The following TF variants were observed in gnomAD, a reference collection of about 807,000 sequenced individuals.
The protein encoded by TF is serotransferrin.
TF carries 55 observed loss-of-function variants against 82.4 expected under a neutral mutation model. That is an observed-to-expected ratio of 0.67 (90% CI 0.54 to 0.84). TF has a LOEUF of 0.84. Ranked by LOEUF, TF falls within the 40% of genes least tolerant of loss-of-function variation. TF has a pLI of 0.00. For missense variants in TF, 737 were observed against 868.4 expected, an observed-to-expected ratio of 0.85 and a Z score of 1.90; for synonymous variants, 332 against 332.6, an observed-to-expected ratio of 1.00 and a Z score of 0.02.
At chr3:133,756,428 G>A (rs1933832031) in intron 6 of TF, 91 bp downstream of exon 6, 2 of 1,365,958 alleles carry the variant, frequency 1.5e-6, no homozygotes, top group African/African-American at 2.9e-5. Flanking sequence ...AATTGGAAAT[G>A]AGCATACTGT....
the TF span, among the ~76,000 whole-genome samples, chr3:133,677,180 A>G: frequency 6.6e-6 from 1 of 152,192 alleles, no homozygotes; most frequent in African/African-American, 2.4e-5. Flanking sequence ...CTATTCGGTG[A>G]GCATCAGCAG....
the TF span, among the ~76,000 whole-genome samples, chr3:133,665,234 A>C: frequency 6.6e-6 from 1 of 152,160 alleles, no homozygotes; most frequent in Non-Finnish European, 1.5e-5. Flanking sequence ...TGGAAGGCCA[A>C]GGTGGGCAGA....
chr3:133,679,392 T>C, the TF span, among the ~76,000 whole-genome samples: 1 of 152,204 alleles, frequency 6.6e-6, no homozygotes, highest in African/African-American at 2.4e-5. Flanking sequence ...AGTATACATA[T>C]AGTTCAGTGA....
the TF span, among the ~76,000 whole-genome samples, chr3:133,723,655 A>ATTATTG: frequency 6.8e-6 from 1 of 147,322 alleles, no homozygotes; most frequent in Non-Finnish European, 1.5e-5. Context: ...TATTATTATT[A>ATTATTG]TTATTATTAT....
chr3:133,725,528 G>A, the TF span, among the ~76,000 whole-genome samples: 10 of 152,324 alleles, frequency 6.6e-5, no homozygotes, highest in African/African-American at 2.4e-4. Flanking sequence ...CTTTGCTGAA[G>A]TTGCTTATCA....
chr3:133,670,764 T>G, the TF span, among the ~76,000 whole-genome samples: 3 of 152,218 alleles, frequency 2.0e-5, no homozygotes, highest in Non-Finnish European at 2.9e-5. Context: ...AAGAAAAAAG[T>G]GATCTCTGCG....
At chr3:133,703,382 C>A in the TF span, among the ~76,000 whole-genome samples, 3 of 152,086 alleles carry the variant, frequency 2.0e-5, no homozygotes, top group African/African-American at 7.2e-5. Flanking sequence ...ATCTTGGAGG[C>A]CATCTGGAAT....
intron 16 of TF, chr3:133,777,480 T>C: frequency 1.9e-6 from 1 of 517,376 alleles, no homozygotes; most frequent in South Asian, 2.2e-5. Flanking sequence ...GAGAATTCCA[T>C]CTTATTTCTA....
In TF at chr3:133,794,522, A is replaced by G. The variant is rs1426202896; in HGVS notation, c.*15902A>G. On this transcript the variant is annotated 3_prime_UTR_variant, in exon 17 of 17. Coordinates refer to ENST00000402696, the MANE Select transcript of TF (RefSeq NM_001063.4). ...TTTCACAAGGTAAAGAAAGCTTTTT[A>G]TGGTTCACTGAGGACAATCAACTCC... 1 of 152,238 alleles carries G rather than the reference A, an allele frequency of 6.6e-6. No homozygotes were observed. The highest frequency in any genetic ancestry group is 1.5e-5 in the Non-Finnish European group (1 of 68,038). 9.4% of individuals were successfully genotyped at this position (152,238 alleles called of 1,614,324 possible). A position where few individuals can be genotyped will look rare whatever the true frequency, so the allele number is the denominator to read the frequency against.
At chr3:133,777,342 A>G in intron 16 of TF, 104 bp downstream of exon 16, 2 of 1,055,038 alleles carry the variant, frequency 1.9e-6, no homozygotes, top group Non-Finnish European at 2.9e-6. Context: ...TTGGGATAGG[A>G]CAACATGGAC....
Position 133,746,482 on chromosome 3 carries a change from G to C in TF, c.42G>C (p.Leu14=). The change falls in exon 1 of 17, where the codon CTG becomes CTC. Residue 14 remains leucine, a splice_region_variant and synonymous_variant. Coordinates refer to ENST00000402696, the MANE Select transcript of TF (RefSeq NM_001063.4). The part of the protein sequence containing the change: ...AVGALLVCAV[L]GLCLAVPDKT... ...GAGCCCTGCTGGTCTGCGCCGTCCTGGGTGAGTGCGGGCACGGGGTAGCAC... is the reference window on the plus strand; with the variant it reads ...GAGCCCTGCTGGTCTGCGCCGTCCTCGGTGAGTGCGGGCACGGGGTAGCAC... The C allele has an allele frequency of 1.3e-6, 2 of 1,597,644 alleles. No homozygotes were observed.
At chr3:133,756,598 CT>C (rs1381968909) in intron 6 of TF, among the ~76,000 whole-genome samples, 1 of 152,142 alleles carries the variant, frequency 6.6e-6, no homozygotes, top group Non-Finnish European at 1.5e-5. Flanking sequence ...GGGGTTGGTG[CT>C]GCTAAGATCA....
the TF span, among the ~76,000 whole-genome samples, chr3:133,725,268 T>C: frequency 6.6e-6 from 1 of 152,240 alleles, no homozygotes; most frequent in Non-Finnish European, 1.5e-5. Context: ...TTTCACGATA[T>C]TGATTCTTCC....
intron 1 of TF, 64 bp downstream of exon 1, chr3:133,746,547 G>T: frequency 6.5e-7 from 1 of 1,534,356 alleles, no homozygotes; most frequent in Non-Finnish European, 8.8e-7. Flanking sequence ...CAACCCGGGC[G>T]GCCACCGCGC....
At chr3:133,711,187 C>G in the TF span, among the ~76,000 whole-genome samples, 1 of 152,178 alleles carries the variant, frequency 6.6e-6, no homozygotes, top group Non-Finnish European at 1.5e-5. Flanking sequence ...AATCCCCAAG[C>G]ACTCACATCC....
the TF span, among the ~76,000 whole-genome samples, chr3:133,722,083 T>C: frequency 1.3e-5 from 2 of 152,090 alleles, no homozygotes; most frequent in African/African-American, 4.8e-5. Flanking sequence ...GGTTTCACCA[T>C]GTTGCACAGG....
the TF span, among the ~76,000 whole-genome samples, chr3:133,734,412 T>C: frequency 6.6e-6 from 1 of 152,134 alleles, no homozygotes; most frequent in African/African-American, 2.4e-5. Context: ...GCTTAAAAAA[T>C]GTTGAGGCTT....
the TF span, among the ~76,000 whole-genome samples, chr3:133,679,872 T>G: frequency 6.6e-6 from 1 of 152,302 alleles, no homozygotes; most frequent in African/African-American, 2.4e-5. Flanking sequence ...TCAACTTGAC[T>G]TTGAGTAGTT....
Position 133,794,042 on chromosome 3 carries a change from C to A in TF, c.*15422C>A, listed in dbSNP as rs1027813485. 2.6e-5 allele frequency: 4 copies of A among 152,136 alleles called. No individual in the cohort carries two copies. The highest frequency in any genetic ancestry group is 4.8e-5 in the African/African-American group (2 of 41,440). The allele number at this position is 152,136 out of a possible 1,614,324, so 9.4% of individuals were successfully genotyped here. On this transcript the variant is annotated 3_prime_UTR_variant, in exon 17 of 17. Coordinates refer to ENST00000402696, the MANE Select transcript of TF (RefSeq NM_001063.4). ...TTTGAATAAACTCCATCATTTAAATCAAATTACCTATGATAACCCATCAGT... is the reference window on the plus strand; with the variant it reads ...TTTGAATAAACTCCATCATTTAAATAAAATTACCTATGATAACCCATCAGT...
Sources: gnomAD v4.1 joint callset for allele counts (sites outside exome capture counted in the v4.1 genomes callset) on GRCh38, gnomAD v4.1.1 for gene constraint, MANE v1.5 for transcripts, NCBI Gene and HGNC (gene_info 2026-07-23, HGNC 2026-07-21) for gene names.